The following LDLRAD4 variants were observed in gnomAD, a reference collection of about 807,000 sequenced individuals.
LDLRAD4 encodes the protein low density lipoprotein receptor class A domain containing 4.
A neutral mutation model predicts 17.0 loss-of-function variants in LDLRAD4; 5 were observed. That is an observed-to-expected ratio of 0.29 (90% CI 0.15 to 0.62). LDLRAD4 has a LOEUF of 0.62. LDLRAD4 is among the 20% of genes least tolerant of loss of function. LDLRAD4 has a pLI of 0.84. For missense variants in LDLRAD4, 340 were observed against 424.7 expected, an observed-to-expected ratio of 0.80 and a Z score of 1.75; for synonymous variants, 168 against 171.8, an observed-to-expected ratio of 0.98 and a Z score of 0.17.
At chr18:13,326,069 C>T (rs1375160922) in intron 1 of LDLRAD4, among the ~76,000 whole-genome samples, 1 of 151,990 alleles carries the variant, frequency 6.6e-6, no homozygotes, top group Non-Finnish European at 1.5e-5. Context: ...GCCCGGCTGG[C>T]AATATAAATT....
intron 3 of LDLRAD4, among the ~76,000 whole-genome samples, chr18:13,544,911 G>A (rs1163318888): frequency 2.4e-5 from 3 of 127,208 alleles, no homozygotes; most frequent in Admixed American, 1.6e-4. Flanking sequence ...TTTTTTTAAT[G>A]TGCTCCTTTT....
chr18:13,627,817 T>A (rs1008984691), intron 4 of LDLRAD4, among the ~76,000 whole-genome samples: 8 of 152,186 alleles, frequency 5.3e-5, no homozygotes, highest in African/African-American at 1.9e-4. Flanking sequence ...ACCAGCAGCC[T>A]CTCTGCTGGC....
chr18:13,371,087 CG>C (rs2084468913), intron 1 of LDLRAD4, among the ~76,000 whole-genome samples: 1 of 152,164 alleles, frequency 6.6e-6, no homozygotes, highest in Non-Finnish European at 1.5e-5. Context: ...TGGCTCCTGG[CG>C]GACTCTGTTC....
chr18:13,591,750 T>C (rs1221492696), intron 3 of LDLRAD4, among the ~76,000 whole-genome samples: 1 of 152,198 alleles, frequency 6.6e-6, no homozygotes, highest in African/African-American at 2.4e-5. Context: ...AATTCCAGGA[T>C]TGTGAGGCAT....
exon 6 of LDLRAD4, chr18:13,649,716 T>A (rs1334600614): frequency 6.4e-5 from 15 of 234,640 alleles, no homozygotes; most frequent in South Asian, 3.6e-4. Context: ...ATTCATTTTT[T>A]AAAAATTTTC....
chr18:13,467,654 T>C (rs1189029999), intron 3 of LDLRAD4, among the ~76,000 whole-genome samples: 1 of 152,228 alleles, frequency 6.6e-6, no homozygotes, highest in African/African-American at 2.4e-5. Context: ...TTAAGATTCA[T>C]ATAGAATTTC....
intron 3 of LDLRAD4, among the ~76,000 whole-genome samples, chr18:13,450,693 C>T (rs2091777670): frequency 6.6e-6 from 1 of 152,164 alleles, no homozygotes; most frequent in African/African-American, 2.4e-5. Context: ...TGAGAAGGCC[C>T]ACAAAGTTGT....
At chr18:13,262,468 G>T (rs1160959628) in intron 1 of LDLRAD4, among the ~76,000 whole-genome samples, 17 of 126,732 alleles carry the variant, frequency 1.3e-4, no homozygotes, top group Middle Eastern at 5.9e-3. Context: ...CTCTGTGCGT[G>T]GGGGCTGAGT....
At chr18:13,648,524 G>A (rs1391380807) in exon 6 of LDLRAD4, 2 of 152,216 alleles carry the variant, frequency 1.3e-5, no homozygotes, top group Non-Finnish European at 1.5e-5. Flanking sequence ...TGAAGGTTGT[G>A]GCTGACCTGT....
intron 1 of LDLRAD4, among the ~76,000 whole-genome samples, chr18:13,364,293 C>T (rs953221962): frequency 2.6e-5 from 4 of 152,042 alleles, no homozygotes; most frequent in Non-Finnish European, 5.9e-5. Context: ...AACATCATTG[C>T]CATTATTGCT....
intron 1 of LDLRAD4, among the ~76,000 whole-genome samples, chr18:13,231,457 G>A (rs779500286): frequency 1.3e-5 from 2 of 152,144 alleles, no homozygotes; most frequent in Non-Finnish European, 2.9e-5. Flanking sequence ...CTGGTGTGGA[G>A]CGTTTCCTCC....
intron 3 of LDLRAD4, among the ~76,000 whole-genome samples, chr18:13,581,666 T>C (rs1337917736): frequency 6.6e-6 from 1 of 152,236 alleles, no homozygotes; most frequent in African/African-American, 2.4e-5. Flanking sequence ...CTGTGGTTTC[T>C]ATTGGCTCCT....
At chr18:13,377,192 A>ACCAGAGCCATCTGGTCGGC (rs2084979652) in intron 1 of LDLRAD4, among the ~76,000 whole-genome samples, 3 of 152,206 alleles carry the variant, frequency 2.0e-5, no homozygotes, top group Non-Finnish European at 2.9e-5. Context: ...ACTGCCGGTA[A>ACCAGAGCCATCTGGTCGGC]CATCAACGCC....
At chr18:13,218,071 C>T (rs1190224562), upstream of LDLRAD4, 1 of 151,884 alleles carries the variant, frequency 6.6e-6, no homozygotes, top group Non-Finnish European at 1.5e-5. Context: ...CAGTCCCCGC[C>T]TCCGCTCCGG....
At chr18:13,496,685 G>C (rs1386059230) in intron 3 of LDLRAD4, among the ~76,000 whole-genome samples, 1 of 152,220 alleles carries the variant, frequency 6.6e-6, no homozygotes, top group African/African-American at 2.4e-5. Context: ...TCTGGTATCA[G>C]AGTCAAAGTC....
intron 1 of LDLRAD4, among the ~76,000 whole-genome samples, chr18:13,352,453 C>A (rs1247882854): frequency 6.6e-6 from 1 of 152,144 alleles, no homozygotes; most frequent in Admixed American, 6.5e-5. Flanking sequence ...TGGGTTTCTG[C>A]TGAACAATGT....
chr18:13,262,004 C>T (rs898472778), intron 1 of LDLRAD4, among the ~76,000 whole-genome samples: 42 of 151,266 alleles, frequency 2.8e-4, no homozygotes, highest in Non-Finnish European at 4.4e-4. Context: ...CCGTGGGGCT[C>T]TGTGCGTGGG....
At position 13,621,816 on chromosome 18, in the gene LDLRAD4, G is replaced by A. The variant is rs1378114289; in HGVS notation, c.336+545G>A. Among the ~76,000 whole-genome samples the A allele has an allele frequency of 6.6e-6, 1 of 151,476 alleles. No individual in the cohort carries two copies. The highest frequency in any genetic ancestry group is 1.5e-5 in the Non-Finnish European group (1 of 67,798). On this transcript the variant is annotated intron_variant, in intron 4 of 5. Transcript: ENST00000359446. The surrounding 1 kb of genome is among the most constrained non-coding windows in gnomAD (Gnocchi z 5.5). ...GTTGTTGGCGGTGGGCTTGTCAGCG[G>A]TGGGCTTGTCGGCGGTAGGGTTGTC...
chr18:13,478,917 A>C (rs1052513499), intron 3 of LDLRAD4, among the ~76,000 whole-genome samples: 2 of 152,266 alleles, frequency 1.3e-5, no homozygotes, highest in African/African-American at 4.8e-5. Context: ...TGGCAAAAGA[A>C]CAGACAGATG....
Sources: gnomAD v4.1 joint callset for allele counts (sites outside exome capture counted in the v4.1 genomes callset) on GRCh38, gnomAD v4.1.1 for gene constraint, Gnocchi (gnomAD v3.1) non-coding constraint, MANE v1.5 for transcripts, NCBI Gene and HGNC (gene_info 2026-07-23, HGNC 2026-07-21) for gene names.